Variants in PAK3 observed in about 807,000 individuals in gnomAD.
The protein encoded by PAK3 is serine/threonine-protein kinase PAK 3.
In PAK3, 4 loss-of-function variants were observed where a neutral mutation model predicts 41.0. That is an observed-to-expected ratio of 0.10 (90% CI 0.05 to 0.22). The LOEUF is 0.22. PAK3 is among the 10% of genes least tolerant of loss of function. The pLI, the probability that PAK3 is intolerant of heterozygous loss-of-function variation, is 1.00. For missense variants in PAK3, 205 were observed against 409.9 expected, an observed-to-expected ratio of 0.50 and a Z score of 4.32; for synonymous variants, 146 against 139.6, an observed-to-expected ratio of 1.05 and a Z score of -0.32.
At chrX:111,148,233 T>A (rs1479092430) in intron 7 of PAK3, among the ~76,000 whole-genome samples, 1 of 112,055 alleles carries the variant, frequency 8.9e-6, no homozygotes, top group Non-Finnish European at 1.9e-5. Flanking sequence ...TATGAAACCA[T>A]GCTCTCTGGA....
chrX:111,207,473 C>T (rs2094766397), intron 16 of PAK3, among the ~76,000 whole-genome samples: 1 of 111,285 alleles, frequency 9.0e-6, no homozygotes, highest in Non-Finnish European at 1.9e-5. Flanking sequence ...AGTGGTGGTC[C>T]CATAAGATTA....
intron 1 of PAK3, among the ~76,000 whole-genome samples, chrX:110,995,991 G>A (rs752836677): frequency 1.8e-5 from 2 of 111,886 alleles, no homozygotes; most frequent in Non-Finnish European, 3.8e-5. Flanking sequence ...CCTGTCTCAA[G>A]TAGGTTCTTG....
intron 4 of PAK3, among the ~76,000 whole-genome samples, chrX:111,113,916 G>A (rs2093418674): frequency 9.0e-6 from 1 of 111,560 alleles, no homozygotes; most frequent in Non-Finnish European, 1.9e-5. Context: ...CAGAATGATG[G>A]TTTCCAGCTT....
chrX:111,089,941 G>A (rs964511852), intron 1 of PAK3, among the ~76,000 whole-genome samples: 2 of 110,759 alleles, frequency 1.8e-5, no homozygotes, highest in African/African-American at 6.6e-5. Context: ...TGTAGCGTCC[G>A]TAGCACCTAG....
chrX:111,005,028 T>TAAAGAATATC (rs1342569865), intron 1 of PAK3, among the ~76,000 whole-genome samples: 1 of 112,255 alleles, frequency 8.9e-6, no homozygotes, highest in African/African-American at 3.2e-5. Context: ...TCTCGAATAT[T>TAAAGAATATC]AAAGAATATC....
chrX:110,949,421 T>C (rs1462346276), intron 1 of PAK3, among the ~76,000 whole-genome samples: 1 of 111,789 alleles, frequency 8.9e-6, no homozygotes, highest in Non-Finnish European at 1.9e-5. Context: ...GATTGATTAA[T>C]AACCATTTTC....
At position 110,974,063 on chromosome X, in the gene PAK3, G is replaced by T. The variant is rs912377893; in HGVS notation, c.-28+29435G>T. Among the ~76,000 whole-genome samples the T allele has an allele frequency of 2.7e-5, 3 of 111,512 alleles. No individual in the cohort carries two copies. In the East Asian group the frequency reaches 8.4e-4, roughly 31 times the overall value. On this transcript the variant is annotated intron_variant, in intron 1 of 14. Transcript: ENST00000425146. ...ATACAGGAGCACCCAGATTCATAAA[G>T]CAAGTCCTTAGAGTCCTACAAAGGG...
rs781599100 is a variant in PAK3 at position 111,115,898 on chromosome X, A to G, written c.-27-7179A>G. Among the ~76,000 whole-genome samples the G allele has an allele frequency of 2.7e-5, 3 of 111,600 alleles. No individual in the cohort carries two copies. The South Asian group carries it at 1.2e-3, about 43-fold the overall frequency. ...CAGAGAAATTGGGAATAGAGCAAGG[A>G]CCTAGGATGATGAGCCATGATGCAC... On this transcript the variant is annotated intron_variant, in intron 4 of 17. Transcript: ENST00000372007.
intron 6 of PAK3, among the ~76,000 whole-genome samples, chrX:111,142,566 T>C (rs2093886589): frequency 8.9e-6 from 1 of 112,061 alleles, no homozygotes; most frequent in South Asian, 3.7e-4. Context: ...TTCATCTGAA[T>C]AATTCAGGCT....
chrX:111,195,137 T>C (rs2094599792), intron 14 of PAK3, among the ~76,000 whole-genome samples: 2 of 112,181 alleles, frequency 1.8e-5, no homozygotes, highest in Non-Finnish European at 3.8e-5. Context: ...AAACCAATGA[T>C]AGAAAAACAA....
intron 8 of PAK3, among the ~76,000 whole-genome samples, chrX:111,160,879 G>A (rs750071176): frequency 9.5e-6 from 1 of 105,217 alleles, no homozygotes; most frequent in African/African-American, 3.3e-5. Flanking sequence ...TGGACATTTG[G>A]GTTGGTTCCA....
At chrX:111,168,110 T>G (rs936756453) in intron 10 of PAK3, among the ~76,000 whole-genome samples, 1 of 111,712 alleles carries the variant, frequency 9.0e-6, no homozygotes, top group African/African-American at 3.3e-5. Context: ...AATCAAAATC[T>G]TCATTATGCT....
chrX:111,000,951 C>T lies in PAK3; in HGVS notation c.-28+56323C>T, dbSNP rs184074888. 4.7e-3 allele frequency among the ~76,000 whole-genome samples: 525 copies of T among 110,827 alleles called. 1 individual carries two copies. Among genetic ancestry groups the T allele is most frequent in the Non-Finnish European group, 7.0e-3 (369 of 52,944 alleles). ...GAAAGGGAAATGAGGAGTAGAGGGG[C>T]TGTATTCAAGTAGGATGGTCGTGGA... On this transcript the variant is annotated intron_variant, in intron 1 of 14. Transcript: ENST00000425146.
intron 16 of PAK3, among the ~76,000 whole-genome samples, chrX:111,214,638 A>C (rs2094857346): frequency 9.0e-6 from 1 of 111,423 alleles, no homozygotes; most frequent in South Asian, 3.8e-4. Flanking sequence ...GTGTTTTAAC[A>C]AACCCTCTGG....
rs145081792 is a variant in PAK3, at chrX:111,049,287, A to G, written c.-27-73790A>G. 2.3e-3 allele frequency among the ~76,000 whole-genome samples: 259 copies of G among 111,942 alleles called. 2 individuals carry two copies. The highest frequency in any genetic ancestry group is 8.0e-3 in the African/African-American group (246 of 30,832). On this transcript the variant is annotated intron_variant, in intron 1 of 14. Transcript: ENST00000425146. ...TACATCAGCCTGTTTTATTATTGTT[A>G]TAGTATTTATTTATGTCAAATCATC...
chrX:110,952,033 G>A (rs1246279658), intron 1 of PAK3, among the ~76,000 whole-genome samples: 1 of 112,136 alleles, frequency 8.9e-6, no homozygotes, highest in Non-Finnish European at 1.9e-5. Flanking sequence ...CAAGTTTGAG[G>A]TCCTCCCATG....
intron 1 of PAK3, among the ~76,000 whole-genome samples, chrX:110,947,484 A>G (rs2090642960): frequency 9.0e-6 from 1 of 111,564 alleles, no homozygotes; most frequent in African/African-American, 3.3e-5. Context: ...GGTTCTAAAG[A>G]AGACTAGTTC....
chrX:111,078,261 GT>G (rs1569304628), intron 1 of PAK3, among the ~76,000 whole-genome samples: 2 of 105,122 alleles, frequency 1.9e-5, no homozygotes, highest in Non-Finnish European at 3.9e-5. Context: ...TTTTTTTTTT[GT>G]TTTGTTTTGT....
chrX:111,088,261 G>A (rs1433603044), intron 1 of PAK3, among the ~76,000 whole-genome samples: 1 of 111,520 alleles, frequency 9.0e-6, no homozygotes, highest in African/African-American at 3.3e-5. Context: ...GGTGCTGTTG[G>A]ATCCCTCATT....
Sources: allele counts gnomAD v4.1 joint callset (sites outside exome capture counted in the v4.1 genomes callset), GRCh38; gene constraint gnomAD v4.1.1; transcripts MANE v1.5; gene names NCBI Gene and HGNC (gene_info 2026-07-23, HGNC 2026-07-21).